The following INPP4B variants were observed in gnomAD, a reference collection of about 807,000 sequenced individuals.
INPP4B encodes the protein inositol polyphosphate 4-phosphatase type II.
In INPP4B, 55 loss-of-function variants were observed where a neutral mutation model predicts 122.5. The observed-to-expected ratio is 0.45, with a 90% confidence interval of 0.36 to 0.56. The LOEUF is 0.56. Among genes scored for constraint, INPP4B ranks in the 20% least tolerant of loss-of-function variants. The pLI is 0.00. For synonymous variants in INPP4B, 403 were observed against 388.7 expected, an observed-to-expected ratio of 1.04 and a Z score of -0.43; for missense variants, 1,000 against 1,097.7, an observed-to-expected ratio of 0.91 and a Z score of 1.26.
At chr4:142,196,935 G>C (rs1233037993) in intron 14 of INPP4B, among the ~76,000 whole-genome samples, 3 of 151,640 alleles carry the variant, frequency 2.0e-5, no homozygotes. Flanking sequence ...GACCAGGCTG[G>C]TCAACATGAT....
At chr4:142,235,802 T>C (rs1449399784) in intron 12 of INPP4B, among the ~76,000 whole-genome samples, 1 of 152,240 alleles carries the variant, frequency 6.6e-6, no homozygotes, top group Non-Finnish European at 1.5e-5. Context: ...TGCTATATCA[T>C]AGTTGTATAT....
chr4:142,582,879 A>G (rs534888793), intron 2 of INPP4B, among the ~76,000 whole-genome samples: 100 of 152,316 alleles, frequency 6.6e-4, no homozygotes, highest in African/African-American at 2.3e-3. Flanking sequence ...GTGGTAACAC[A>G]CTGAAAGTTT....
chr4:142,802,858 A>C (rs1320744454), intron 1 of INPP4B, among the ~76,000 whole-genome samples: 1 of 151,740 alleles, frequency 6.6e-6, no homozygotes, highest in African/African-American at 2.4e-5. Flanking sequence ...TGAACGCGGT[A>C]TCTGGTAGGA....
In INPP4B at chr4:142,122,201, C is replaced by T. The variant is rs2152749463; in HGVS notation, c.2062G>A (p.Asp688Asn). The T allele has an allele frequency of 3.7e-6, 6 of 1,611,800 alleles. No individual in the cohort carries two copies. Among genetic ancestry groups the T allele is most frequent in the Non-Finnish European group, 3.4e-6 (4 of 1,178,942 alleles). The change falls in exon 21 of 26, where the codon GAT becomes AAT. Residue 688 changes from aspartate (D) to asparagine (N), a missense_variant. Coordinates refer to ENST00000262992, the MANE Select transcript of INPP4B (RefSeq NM_001101669.3). ...ATTTTAAATGCAACTTTCTTTAAAT[C>T]GGAAATGCCAACGGCCATGTCCTCT... ...MLEDMAVGIS[D>N]LKKVAFKIIE...
chr4:142,769,455 AT>A (rs1466058378), intron 1 of INPP4B, among the ~76,000 whole-genome samples: 1 of 152,258 alleles, frequency 6.6e-6, no homozygotes, highest in Non-Finnish European at 1.5e-5. Context: ...ACATGCAACC[AT>A]TTTTTAACTC....
intron 3 of INPP4B, among the ~76,000 whole-genome samples, chr4:142,447,148 CACTGGG>C (rs1562119223): frequency 6.6e-6 from 1 of 152,112 alleles, no homozygotes; most frequent in African/African-American, 2.4e-5. Context: ...TTTCTATGAG[CACTGGG>C]TAAGGAAACA....
At chr4:142,382,070 T>C (rs969917804) in intron 7 of INPP4B, among the ~76,000 whole-genome samples, 4 of 152,144 alleles carry the variant, frequency 2.6e-5, no homozygotes, top group African/African-American at 9.6e-5. Flanking sequence ...CCAACATTCC[T>C]CTCCATAAAA....
In INPP4B at chr4:142,477,982, C is replaced by T. The variant is rs571557898; in HGVS notation, c.-190-15256G>A. ...CACACCTAGCTAATATTTGTATTTT[C>T]AGTAGAGATGGGGTTTTGCCATGTC... On this transcript the variant is annotated intron_variant, in intron 2 of 25. Transcript: ENST00000262992. Among the ~76,000 whole-genome samples, 4 of 152,236 alleles carry T rather than the reference C, an allele frequency of 2.6e-5. No individual in the cohort carries two copies. The East Asian group carries it at 7.7e-4, about 29-fold the overall frequency.
chr4:142,301,351 A>T (rs1346388592), intron 9 of INPP4B, among the ~76,000 whole-genome samples: 1 of 152,144 alleles, frequency 6.6e-6, no homozygotes, highest in Non-Finnish European at 1.5e-5. Flanking sequence ...ATTAATTGAG[A>T]CTCCTAAAAC....
intron 7 of INPP4B, among the ~76,000 whole-genome samples, chr4:142,320,008 A>T (rs1320004140): frequency 6.6e-6 from 1 of 152,150 alleles, no homozygotes; most frequent in East Asian, 1.9e-4. Flanking sequence ...CTGGAGAAAA[A>T]TGTGCTTCAA....
intron 9 of INPP4B, among the ~76,000 whole-genome samples, chr4:142,299,170 G>C (rs5020269): frequency 0.012 from 973 of 79,556 alleles, 10 homozygotes; most frequent in Non-Finnish European, 0.018. Flanking sequence ...TTTTTTTTTT[G>C]GGGGGGAGAC....
intron 1 of INPP4B, among the ~76,000 whole-genome samples, chr4:142,765,169 A>T (rs1258242132): frequency 6.6e-6 from 1 of 152,110 alleles, no homozygotes; most frequent in Admixed American, 6.6e-5. Flanking sequence ...CTGACAGTGA[A>T]AAAAGTTGAT....
At chr4:142,487,156 C>T (rs971419161) in intron 2 of INPP4B, among the ~76,000 whole-genome samples, 1 of 152,122 alleles carries the variant, frequency 6.6e-6, no homozygotes, top group South Asian at 2.1e-4. Context: ...TCTCTCTTTG[C>T]CTGCTGCCAT....
intron 2 of INPP4B, among the ~76,000 whole-genome samples, chr4:142,599,049 T>G (rs1739311104): frequency 6.6e-6 from 1 of 152,168 alleles, no homozygotes; most frequent in Non-Finnish European, 1.5e-5. Context: ...TAATTGTGTG[T>G]CTGGGGCTGT....
chr4:142,175,730 G>A (rs1049148571), intron 15 of INPP4B, among the ~76,000 whole-genome samples: 2 of 152,102 alleles, frequency 1.3e-5, no homozygotes, highest in African/African-American at 4.8e-5. Flanking sequence ...CAGGAGTGTA[G>A]TAAGGACTTT....
chr4:142,817,368 A>G (rs1054980469), intron 1 of INPP4B, among the ~76,000 whole-genome samples: 6 of 152,180 alleles, frequency 3.9e-5, no homozygotes, highest in Non-Finnish European at 8.8e-5. Context: ...TTTCCATCAG[A>G]CAAGTGAGCA....
At position 142,335,108 on chromosome 4, in the gene INPP4B, G is replaced by GAAAAA. The variant is rs36074851; in HGVS notation, c.373-20351_373-20347dup. Among the ~76,000 whole-genome samples, 184 of 65,132 alleles carry GAAAAA rather than the reference G, an allele frequency of 2.8e-3. 8 individuals carry two copies. Among genetic ancestry groups the GAAAAA allele is most frequent in the African/African-American group, 0.011 (164 of 14,870 alleles). 42.7% of individuals were successfully genotyped at this position (65,132 alleles called of 152,430 possible). ...CTGTCTGCTACTTCCTGGGAAAAAT[G>GAAAAA]AAAAAAAAAAAAAAAAAAAAAAAAG... On this transcript the variant is annotated intron_variant, in intron 7 of 25. Coordinates refer to ENST00000262992, the MANE Select transcript of INPP4B (RefSeq NM_001101669.3).
chr4:142,314,146 G>A (rs544886521), intron 8 of INPP4B, among the ~76,000 whole-genome samples: 4 of 152,246 alleles, frequency 2.6e-5, no homozygotes, highest in Admixed American at 6.5e-5. Context: ...AGCTGCCACC[G>A]CCTACTCTAG....
At chr4:142,062,491 T>C (rs1156964506) in intron 25 of INPP4B, among the ~76,000 whole-genome samples, 2 of 152,284 alleles carry the variant, frequency 1.3e-5, no homozygotes, top group Non-Finnish European at 1.5e-5. Context: ...CCAGCAGCAC[T>C]TTGGGAGGCT....
Sources: allele counts gnomAD v4.1 joint callset (sites outside exome capture counted in the v4.1 genomes callset), GRCh38; gene constraint gnomAD v4.1.1; transcripts MANE v1.5; gene names NCBI Gene and HGNC (gene_info 2026-07-23, HGNC 2026-07-21).